CNTRL: variants seen among roughly 807,000 people sequenced by gnomAD.
The protein encoded by CNTRL is 110 kDa centrosomal protein.
In CNTRL, 233 loss-of-function variants were observed where a neutral mutation model predicts 303.7. That is an observed-to-expected ratio of 0.77 (90% confidence interval 0.69 to 0.86). The LOEUF (loss-of-function observed/expected upper bound fraction) is 0.86, where lower values mean the gene tolerates loss of function less well. Ranked by LOEUF, CNTRL falls within the 40% of genes least tolerant of loss-of-function variation. The pLI, the probability that CNTRL is intolerant of heterozygous loss-of-function variation, is 0.00. For missense variants in CNTRL, 2,524 were observed against 2,650.6 expected, an observed-to-expected ratio of 0.95 and a Z score of 1.05; for synonymous variants, 900 against 922.2, an observed-to-expected ratio of 0.98 and a Z score of 0.44.
At chr9:121,108,882 T>G (rs1295557728) in intron 8 of CNTRL, among the ~76,000 whole-genome samples, 1 of 152,232 alleles carries the variant, frequency 6.6e-6, no homozygotes, top group Non-Finnish European at 1.5e-5. Context: ...CACTCTTCCC[T>G]ACCCCATTCC....
intron 34 of CNTRL, among the ~76,000 whole-genome samples, chr9:121,163,983 GC>G (rs1235746123): frequency 6.6e-6 from 1 of 151,466 alleles, no homozygotes; most frequent in Non-Finnish European, 1.5e-5. Flanking sequence ...TCCTGCCTCA[GC>G]CTCTTGAGTA....
intron 12 of CNTRL, among the ~76,000 whole-genome samples, chr9:121,118,741 G>A (rs775953534): frequency 2.6e-5 from 4 of 151,294 alleles, no homozygotes; most frequent in Non-Finnish European, 5.9e-5. Context: ...CATATATTAG[G>A]AAAAAAAAGG....
chr9:121,103,462 G>A (rs2049287983), intron 7 of CNTRL, among the ~76,000 whole-genome samples: 1 of 152,098 alleles, frequency 6.6e-6, no homozygotes, highest in Non-Finnish European at 1.5e-5. Flanking sequence ...GAAAACCTAG[G>A]CAATACTATT....
chr9:121,147,415 T>C (rs184377268), intron 23 of CNTRL, among the ~76,000 whole-genome samples: 203 of 152,272 alleles, frequency 1.3e-3, no homozygotes, highest in Admixed American at 3.3e-3. Context: ...ATCAGAGCTG[T>C]AGTTTAGGAA....
chr9:121,108,139 A>G (rs1157971004), intron 8 of CNTRL, 144 bp downstream of exon 8: 2 of 550,232 alleles, frequency 3.6e-6, no homozygotes, highest in East Asian at 3.1e-5. Flanking sequence ...TATGAATTGT[A>G]GTTGACTGTG....
chr9:121,082,229 G>C (rs1403996013), intron 2 of CNTRL, among the ~76,000 whole-genome samples: 1 of 152,158 alleles, frequency 6.6e-6, no homozygotes, highest in Admixed American at 6.6e-5. Flanking sequence ...AGGGAAGTGA[G>C]GTACAGAAAT....
Position 121,171,485 on chromosome 9 carries a change from G to C in CNTRL, c.6354G>C (p.Arg2118=), listed in dbSNP as rs773599163. The change falls in exon 40 of 44, where the codon CGG becomes CGC. Residue 2118 remains arginine (R), a synonymous_variant. Coordinates refer to ENST00000373855, the MANE Select transcript of CNTRL (RefSeq NM_007018.6). ...IELVAQDNHE[R]ARRLMKELNQ... The stretch of plus-strand genomic sequence containing the variant: ...TGGTAGCCCAGGACAACCATGAGCG[G>C]GCCAGGCGCCTGATGAAGGAGCTCA... 25 of 1,613,984 alleles carry C rather than the reference G, an allele frequency of 1.5e-5. No individual in the cohort carries two copies.
At chr9:121,135,755 C>G in intron 14 of CNTRL, 51 bp from the exon 15 acceptor site, 1 of 1,509,666 alleles carries the variant, frequency 6.6e-7, no homozygotes, top group East Asian at 2.3e-5. Context: ...CTTGCAAATG[C>G]TTAAGCAGCA....
chr9:121,152,716 T>A, intron 26 of CNTRL, 23 bp downstream of exon 26: 1 of 1,513,346 alleles, frequency 6.6e-7, no homozygotes, highest in South Asian at 1.2e-5. Context: ...TTTTTTATAA[T>A]TCAGACAAAT....
Position 121,165,004 on chromosome 9 carries a change from T to A in CNTRL, c.5485T>A (p.Leu1829Met), listed in dbSNP as rs74740777. 6.2e-7 allele frequency: 1 copy of A among 1,612,238 alleles called. No individual in the cohort carries two copies. The highest frequency in any genetic ancestry group is 1.7e-5 in the Admixed American group (1 of 59,548). Residue 1829 changes from leucine to methionine, a missense_variant, in exon 35 of 44, where the codon TTG (leucine) becomes ATG (methionine). Transcript: ENST00000373855. ...GCAATCAAACTTAGAAAAGTTGGAA[T>A]TGAATGTCAGAAAACTGCAGCAGGA... The part of the protein sequence containing the change: ...MEQSNLEKLE[L>M]NVRKLQQELD...
intron 34 of CNTRL, among the ~76,000 whole-genome samples, 174 bp from the exon 35 acceptor site, chr9:121,164,769 C>G (rs1257183176): frequency 6.6e-6 from 1 of 152,158 alleles, no homozygotes; most frequent in Admixed American, 6.5e-5. Context: ...AAAAAAGTCT[C>G]CACTTAGAAA....
At chr9:121,161,724 A>G in intron 32 of CNTRL, 132 bp from the exon 33 acceptor site, 2 of 588,350 alleles carry the variant, frequency 3.4e-6, no homozygotes, top group Non-Finnish European at 6.0e-6. Flanking sequence ...TAAAATTAGC[A>G]CCATTAATTC....
At position 121,173,254 on chromosome 9, in the gene CNTRL, A is replaced by C; in HGVS notation, c.6429A>C (p.Gln2143His). Reference protein sequence around the residue: ...YTELKKQMANQKDLERRQMEI... With the variant: ...YTELKKQMANHKDLERRQMEI... ...AACTCACTGTTTAGATGGCAAACCAAAAAGATTTGGAGAGAAGACAAATGG... is the reference window on the plus strand; with the variant it reads ...AACTCACTGTTTAGATGGCAAACCACAAAGATTTGGAGAGAAGACAAATGG... The change falls in exon 41 of 44, where the codon CAA becomes CAC. Residue 2143 changes from glutamine to histidine, a missense_variant. Physicochemically the swap from Gln to His is conservative, Grantham distance 24 (BLOSUM62 0). Transcript: ENST00000373855. 1 of 1,606,972 alleles carries C rather than the reference A, an allele frequency of 6.2e-7. No individual in the cohort carries two copies. The highest frequency in any genetic ancestry group is 8.5e-7 in the Non-Finnish European group (1 of 1,176,210).
chr9:121,157,103 A>G (rs1451887079), intron 27 of CNTRL, among the ~76,000 whole-genome samples: 1 of 152,210 alleles, frequency 6.6e-6, no homozygotes, highest in African/African-American at 2.4e-5. Context: ...AGTTTTACAC[A>G]GTTGCTCTCA....
At chr9:121,143,747 C>G (rs2051663665) in intron 19 of CNTRL, among the ~76,000 whole-genome samples, 156 bp from the exon 20 acceptor site, 2 of 152,174 alleles carry the variant, frequency 1.3e-5, no homozygotes, top group Non-Finnish European at 2.9e-5. Flanking sequence ...GTTTTGAGAT[C>G]TATTATTTAT....
chr9:121,119,218 G>C (rs2050116477), intron 12 of CNTRL, among the ~76,000 whole-genome samples: 2 of 151,496 alleles, frequency 1.3e-5, no homozygotes, highest in African/African-American at 4.9e-5. Flanking sequence ...TTTTTTAAGT[G>C]GTTGAATTTC....
rs184372035 is a variant in CNTRL, at chr9:121,126,050, A to C, written c.2025+114A>C. 34 of 769,640 alleles carry C rather than the reference A, an allele frequency of 4.4e-5. 1 individual carries two copies. In the Admixed American group the frequency reaches 7.5e-4, roughly 17 times the overall value. 47.7% of individuals were successfully genotyped at this position (769,640 alleles called of 1,614,324 possible). ...TAAGTGGGAAAAAGTATTAGTGGCT[A>C]TATGGTGATTTTTTTCTTTTAACAG... On this transcript the variant is annotated intron_variant, in intron 14 of 43. Coordinates refer to ENST00000373855, the MANE Select transcript of CNTRL (RefSeq NM_007018.6).
Position 121,154,931 on chromosome 9 carries a change from T to A in CNTRL, c.4365+18T>A, listed in dbSNP as rs758532761. The A allele has an allele frequency of 8.7e-6, 14 of 1,611,456 alleles. No homozygotes were observed. The highest frequency in any genetic ancestry group is 1.2e-5 in the Non-Finnish European group (14 of 1,177,664). On this transcript the variant is annotated intron_variant, in intron 27 of 43. Coordinates refer to ENST00000373855, the MANE Select transcript of CNTRL (RefSeq NM_007018.6). ...AAGAAAAGGTTTGTCTTCTTGTGGT[T>A]TGGGGTGTGAGCTCAGTGTGGGTGA...
Position 121,141,527 on chromosome 9 carries a change from A to T in CNTRL, c.2630A>T (p.Glu877Val). 1 of 1,614,188 alleles carries T rather than the reference A, an allele frequency of 6.2e-7. No homozygotes were observed. The highest frequency in any genetic ancestry group is 8.5e-7 in the Non-Finnish European group (1 of 1,180,020). ...KLQEEMALQQ[E>V]KLATGQEEFR... The stretch of plus-strand genomic sequence containing the variant: ...CAAGAAGAAATGGCTCTGCAGCAAG[A>T]GAAACTGGCAACTGGACAAGAAGAG... Residue 877 changes from glutamate to valine, a missense_variant, in exon 18 of 44, where the codon GAG (glutamate) becomes GTG (valine). Transcript: ENST00000373855.
Sources: allele counts gnomAD v4.1 joint callset (sites outside exome capture counted in the v4.1 genomes callset), GRCh38; gene constraint gnomAD v4.1.1; transcripts MANE v1.5; gene names NCBI Gene and HGNC (gene_info 2026-07-23, HGNC 2026-07-21).